Variants in GPX2 observed in about 807,000 individuals in gnomAD.
The protein encoded by GPX2 is glutathione peroxidase 2.
A neutral mutation model predicts 14.1 loss-of-function variants in GPX2; 21 were observed. The observed-to-expected ratio is 1.48, with a 90% CI of 1.05 to 2.14. The LOEUF is 2.14. Ranked by LOEUF, GPX2 falls within the 30% of genes most tolerant of loss-of-function variation. The pLI, the probability that GPX2 is intolerant of heterozygous loss-of-function variation, is 0.00. For synonymous variants in GPX2, 94 were observed against 95.2 expected (o/e 0.99, Z 0.07); for missense variants, 241 against 249.8 (o/e 0.96, Z 0.24).
intron 1 of GPX2, chr14:64,941,453 G>C (rs964265619): frequency 1.9e-5 from 24 of 1,288,596 alleles, no homozygotes; most frequent in Non-Finnish European, 2.3e-5. Context: ...TGAAGAGATG[G>C]TGTGAGGCTG....
rs776009013 is a variant in GPX2 at position 64,942,601 on chromosome 14, T to C, written c.126A>G (p.Thr42=). The C allele has an allele frequency of 1.9e-6, 3 of 1,614,072 alleles. No individual in the cohort carries two copies. The highest frequency in any genetic ancestry group is 2.5e-6 in the Non-Finnish European group (3 of 1,180,040). Residue 42 remains threonine, a synonymous_variant, in exon 1 of 2, where the codon ACA becomes ACG. Transcript: ENST00000389614. ...LIENVASLUG[T]TTRDFTQLNE... is the part of the protein sequence containing the mutation. ...TGAGCTGGGTGAAGTCCCGGGTGGT[T>C]GTGCCTCAGAGCGAAGCCACATTCT...
chr14:64,941,381 T>A (rs994444104), intron 1 of GPX2: 3 of 1,281,648 alleles, frequency 2.3e-6, no homozygotes, highest in Non-Finnish European at 3.0e-6. Context: ...TTTCTATTTC[T>A]TGATACAAAT....
intron 1 of GPX2, chr14:64,941,429 G>T (rs2139944788): frequency 1.6e-6 from 2 of 1,287,862 alleles, no homozygotes; most frequent in East Asian, 5.6e-5. Flanking sequence ...ACTCCCTCCA[G>T]CAACTTGCTA....
Position 64,940,330 on chromosome 14 carries a change from T to C in GPX2, c.223-492A>G, listed in dbSNP as rs1885564608. The C allele has an allele frequency of 1.9e-6, 1 of 522,864 alleles. No individual in the cohort carries two copies. The allele number at this position is 522,864 out of a possible 1,614,324, so 32.4% of individuals were successfully genotyped here. A position where few individuals can be genotyped will look rare whatever the true frequency, so the allele number is the denominator to read the frequency against. On this transcript the variant is annotated intron_variant, in intron 1 of 1. Coordinates refer to ENST00000389614, the MANE Select transcript of GPX2 (RefSeq NM_002083.4). The surrounding 1 kb of genome is among the most constrained non-coding windows in gnomAD (Gnocchi z 4.5). Reference sequence around the variant, plus strand: ...ACACACACACCCCTTTCCTTTCCTCTGCCCTGGTTTTGCCTCGCCTGCTTT... The same window carrying C: ...ACACACACACCCCTTTCCTTTCCTCCGCCCTGGTTTTGCCTCGCCTGCTTT...
Position 64,939,508 on chromosome 14 carries a change from G to A in GPX2, c.553C>T (p.Leu185Phe), listed in dbSNP as rs1034728094. ...CACATCTATATGGCAACTTTAAGGA[G>A]GCGCTTGATGTCAGGCTCAATGTTG... ...TINIEPDIKR[L>F]LKVAI is the part of the protein sequence containing the mutation. Residue 185 changes from leucine (L) to phenylalanine (F), a missense_variant, in exon 2 of 2, where the codon CTC becomes TTC. Coordinates refer to ENST00000389614, the MANE Select transcript of GPX2 (RefSeq NM_002083.4). The surrounding 1 kb of genome is among the most constrained non-coding windows in gnomAD (Gnocchi z 5.7). 1.2e-6 allele frequency: 2 copies of A among 1,614,008 alleles called. No homozygotes were observed. The highest frequency in any genetic ancestry group is 1.7e-6 in the Non-Finnish European group (2 of 1,179,930).
rs200873785 is a variant in GPX2 at position 64,939,940 on chromosome 14, A to T, written c.223-102T>A. On this transcript the variant is annotated intron_variant, in intron 1 of 1. Transcript: ENST00000389614. This position sits in a 1 kb window ranked among gnomAD's most constrained non-coding sequence, Gnocchi z 5.7. ...CCTCCTACACTCCCTCCCCAGGGTC[A>T]TTCTTTTTCACTGTGAAAGAGAGAG... The T allele has an allele frequency of 7.4e-6, 11 of 1,479,414 alleles. No homozygotes were observed. Among genetic ancestry groups the T allele is most frequent in the Non-Finnish European group, 9.8e-6 (11 of 1,121,042 alleles). The allele number at this position is 1,479,414 out of a possible 1,614,324, so 91.6% of individuals were successfully genotyped here.
intron 1 of GPX2, among the ~76,000 whole-genome samples, chr14:64,941,122 G>A (rs774442615): frequency 2.8e-4 from 42 of 152,134 alleles, no homozygotes; most frequent in Non-Finnish European, 4.0e-4. Flanking sequence ...GCTGGGGTGC[G>A]GTGGCACAAT....
chr14:64,942,719 A>G lies in GPX2; in HGVS notation c.8T>C (p.Phe3Ser), dbSNP rs1470118138. 1 of 1,613,804 alleles carries G rather than the reference A, an allele frequency of 6.2e-7. No homozygotes were observed. The highest frequency in any genetic ancestry group is 8.5e-7 in the Non-Finnish European group (1 of 1,179,790). The stretch of plus-strand genomic sequence containing the variant: ...GAGGTCATAGAAGGACTTGGCAATG[A>G]AAGCCATGGTGAAGCGCAGAGTGAG... Reference protein sequence around the residue: MAFIAKSFYDLSA... With the variant: MASIAKSFYDLSA... The change falls in exon 1 of 2, where the codon TTC (phenylalanine) becomes TCC (serine). Residue 3 changes from phenylalanine (F) to serine (S), a missense_variant. Phe to Ser is a radical substitution (Grantham distance 155, BLOSUM62 -2). Transcript: ENST00000389614.
At chr14:64,941,243 T>C in intron 1 of GPX2, 1 of 687,834 alleles carries the variant, frequency 1.5e-6, no homozygotes, top group Non-Finnish European at 2.0e-6. Flanking sequence ...ATTTTTGCAA[T>C]TTTTTGTAGA....
In GPX2 at chr14:64,940,041, TTAG is replaced by T; in HGVS notation, c.223-206_223-204del. On this transcript the variant is annotated intron_variant, in intron 1 of 1. Transcript: ENST00000389614. This position sits in a 1 kb window ranked among gnomAD's most constrained non-coding sequence, Gnocchi z 4.5. ...AAGCATTCCTCCTGCTTCAGCCTCT[TTAG>T]TAGCTGAGACTACAGACACAGGCCA... 1.4e-6 allele frequency: 2 copies of T among 1,477,392 alleles called. No homozygotes were observed. The highest frequency in any genetic ancestry group is 1.8e-6 in the Non-Finnish European group (2 of 1,116,096). 91.5% of individuals were successfully genotyped at this position (1,477,392 alleles called of 1,614,324 possible).
intron 1 of GPX2, 22 bp downstream of exon 1, chr14:64,942,483 A>G (rs779058392): frequency 1.6e-4 from 259 of 1,598,240 alleles, no homozygotes; most frequent in Non-Finnish European, 2.1e-4. Context: ...CTTTTGGTGC[A>G]TTACAAGGAG....
At chr14:64,941,974 G>A (rs181603608) in intron 1 of GPX2, among the ~76,000 whole-genome samples, 46 of 152,244 alleles carry the variant, frequency 3.0e-4, no homozygotes, top group African/African-American at 1.1e-3. Flanking sequence ...AGTTACTTTT[G>A]TATATCCTGT....
Position 64,940,240 on chromosome 14 carries a change from G to A in GPX2, c.223-402C>T. The A allele has an allele frequency of 1.7e-6, 2 of 1,210,540 alleles. No homozygotes were observed. The highest frequency in any genetic ancestry group is 2.2e-6 in the Non-Finnish European group (2 of 916,140). 75.0% of individuals were successfully genotyped at this position (1,210,540 alleles called of 1,614,324 possible). A position where few individuals can be genotyped will look rare whatever the true frequency, so the allele number is the denominator to read the frequency against. On this transcript the variant is annotated intron_variant, in intron 1 of 1. Transcript: ENST00000389614. This position sits in a 1 kb window ranked among gnomAD's most constrained non-coding sequence, Gnocchi z 4.5. ...CAGAAGAAAGAGAAAAGAGGCTTAG[G>A]TTATACTGCTTAGAACCTCCTCTTC...
intron 1 of GPX2, among the ~76,000 whole-genome samples, chr14:64,941,961 T>C (rs1477860387): frequency 6.6e-6 from 1 of 152,258 alleles, no homozygotes; most frequent in African/African-American, 2.4e-5. Flanking sequence ...TTTATATTTT[T>C]CAAGTTACTT....
At chr14:64,941,383 G>A (rs1885628419) in intron 1 of GPX2, 24 of 1,281,678 alleles carry the variant, frequency 1.9e-5, no homozygotes, top group Non-Finnish European at 2.4e-5. Flanking sequence ...TCTATTTCTT[G>A]ATACAAATGG....
intron 1 of GPX2, chr14:64,941,561 C>T: frequency 7.8e-7 from 1 of 1,276,176 alleles, no homozygotes; most frequent in Non-Finnish European, 1.0e-6. Context: ...TAGGGAAGAA[C>T]AGTGAGAGCA....
At position 64,940,586 on chromosome 14, in the gene GPX2, G is replaced by A. The variant is rs536391169; in HGVS notation, c.223-748C>T. On this transcript the variant is annotated intron_variant, in intron 1 of 1. Transcript: ENST00000389614. The surrounding 1 kb of genome is among the most constrained non-coding windows in gnomAD (Gnocchi z 4.5). ...GAGCAAGTTCAAGGCAACAATGAAT[G>A]TGTACTCTAAATGGAACTACTTAGT... Among the ~76,000 whole-genome samples the A allele has an allele frequency of 4.6e-5, 7 of 152,350 alleles. No homozygotes were observed. Among genetic ancestry groups the A allele is most frequent in the African/African-American group, 1.7e-4 (7 of 41,580 alleles).
Position 64,939,588 on chromosome 14 carries a change from A to C in GPX2, c.473T>G (p.Leu158Arg). The C allele has an allele frequency of 6.2e-7, 1 of 1,614,102 alleles. No individual in the cohort carries two copies. Among genetic ancestry groups the C allele is most frequent in the Non-Finnish European group, 8.5e-7 (1 of 1,180,016 alleles). ...GAAGGGCTCTCCCTCCGGCCCTATG[A>C]GGAACTTCTCAAAGTTCCAGGCCAC... ...SDVAWNFEKF[L>R]IGPEGEPFRR... The change falls in exon 2 of 2, where the codon CTC becomes CGC. Residue 158 changes from leucine (L) to arginine (R), a missense_variant. Transcript: ENST00000389614. This position sits in a 1 kb window ranked among gnomAD's most constrained non-coding sequence, Gnocchi z 5.7.
Position 64,939,882 on chromosome 14 carries a change from A to G in GPX2, c.223-44T>C. The stretch of plus-strand genomic sequence containing the variant: ...AAAGTGCGTGGACAGTGGGTGGGGG[A>G]AGAGAAAGATCCACAACATGAAACT... On this transcript the variant is annotated intron_variant, in intron 1 of 1. Coordinates refer to ENST00000389614, the MANE Select transcript of GPX2 (RefSeq NM_002083.4). This position sits in a 1 kb window ranked among gnomAD's most constrained non-coding sequence, Gnocchi z 5.7. 2 of 1,592,816 alleles carry G rather than the reference A, an allele frequency of 1.3e-6. No individual in the cohort carries two copies. The highest frequency in any genetic ancestry group is 1.7e-6 in the Non-Finnish European group (2 of 1,168,126).
Sources: allele counts gnomAD v4.1 joint callset (sites outside exome capture counted in the v4.1 genomes callset), GRCh38; gene constraint gnomAD v4.1.1; non-coding constraint Gnocchi (gnomAD v3.1); transcripts MANE v1.5; gene names NCBI Gene and HGNC (gene_info 2026-07-23, HGNC 2026-07-21).